Variants in TOP1 observed in about 807,000 individuals in gnomAD.
TOP1 encodes the protein DNA topoisomerase I, also known as DNA topoisomerase 1.
TOP1 carries 10 observed loss-of-function variants against 111.1 expected under a neutral mutation model. That is an observed-to-expected ratio of 0.09 (90% CI 0.06 to 0.15). The LOEUF (loss-of-function observed/expected upper bound fraction) is 0.15, where lower values mean the gene tolerates loss of function less well. Among genes scored for constraint, TOP1 ranks in the 10% least tolerant of loss-of-function variants. The pLI is 1.00. For missense variants in TOP1, 474 were observed against 926.7 expected, an observed-to-expected ratio of 0.51 and a Z score of 6.34; for synonymous variants, 271 against 302.9, an observed-to-expected ratio of 0.89 and a Z score of 1.10.
chr20:41,113,724 A>T (rs536606120), intron 14 of TOP1, among the ~76,000 whole-genome samples: 187 of 151,478 alleles, frequency 1.2e-3, no homozygotes, highest in Middle Eastern at 3.4e-3. Context: ...ACAAAAAAAA[A>T]AAAAAAAATA....
At position 41,112,111 on chromosome 20, in the gene TOP1, G is replaced by A. The variant is rs1201786874; in HGVS notation, c.1309-671G>A. Among the ~76,000 whole-genome samples, 1 of 152,198 alleles carries A rather than the reference G, an allele frequency of 6.6e-6. No homozygotes were observed. Among genetic ancestry groups the A allele is most frequent in the African/African-American group, 2.4e-5 (1 of 41,446 alleles). The stretch of plus-strand genomic sequence containing the variant: ...TCAAGAAATGCTTTTAAATGCAGAA[G>A]TTAGAAAATGGTGAATAATTATGGC... On this transcript the variant is annotated intron_variant, in intron 13 of 20. Coordinates refer to ENST00000361337, the MANE Select transcript of TOP1 (RefSeq NM_003286.4). The surrounding 1 kb of genome is among the most constrained non-coding windows in gnomAD (Gnocchi z 5.8).
chr20:41,070,077 G>A (rs2033652614), intron 3 of TOP1, among the ~76,000 whole-genome samples: 1 of 152,130 alleles, frequency 6.6e-6, no homozygotes, highest in East Asian at 1.9e-4. Flanking sequence ...TAAAAATCGG[G>A]GGGAAATGTT....
chr20:41,059,886 A>G (rs2033524470), intron 2 of TOP1, among the ~76,000 whole-genome samples: 1 of 152,224 alleles, frequency 6.6e-6, no homozygotes, highest in Admixed American at 6.5e-5. Flanking sequence ...TACTTCACCA[A>G]AGAAGGTATA....
chr20:41,061,338 G>T lies in TOP1; in HGVS notation c.59-56G>T. ...CTTCTTGACCAGCTTGTCAAGGTAG[G>T]CATACAGAAGATAGCTCATGACTCC... On this transcript the variant is annotated intron_variant, in intron 2 of 20. Coordinates refer to ENST00000361337, the MANE Select transcript of TOP1 (RefSeq NM_003286.4). This position sits in a 1 kb window ranked among gnomAD's most constrained non-coding sequence, Gnocchi z 4.6. 4 of 1,531,306 alleles carry T rather than the reference G, an allele frequency of 2.6e-6. No individual in the cohort carries two copies. The highest frequency in any genetic ancestry group is 2.7e-6 in the Non-Finnish European group (3 of 1,110,384). The allele number at this position is 1,531,306 out of a possible 1,614,324, so 94.9% of individuals were successfully genotyped here. A position where few individuals can be genotyped will look rare whatever the true frequency, so the allele number is the denominator to read the frequency against.
chr20:41,056,019 G>A (rs1175585262), intron 2 of TOP1, among the ~76,000 whole-genome samples: 1 of 152,162 alleles, frequency 6.6e-6, no homozygotes, highest in Non-Finnish European at 1.5e-5. Context: ...CCATGTGTCT[G>A]TCACTCAGCT....
intron 2 of TOP1, among the ~76,000 whole-genome samples, chr20:41,057,167 G>A (rs544188070): frequency 4.6e-5 from 7 of 152,172 alleles, no homozygotes; most frequent in African/African-American, 1.7e-4. Context: ...TCGGGAGGCT[G>A]AGGCAGGAGA....
intron 18 of TOP1, among the ~76,000 whole-genome samples, chr20:41,119,626 C>T (rs967299727): frequency 1.3e-5 from 2 of 150,622 alleles, no homozygotes; most frequent in African/African-American, 4.8e-5. Flanking sequence ...TTGAGATTTC[C>T]TTAAGATAAG....
In TOP1 at chr20:41,046,255, A is replaced by G. The variant is rs2033332756; in HGVS notation, c.59-15139A>G. 6.6e-6 allele frequency among the ~76,000 whole-genome samples: 1 copy of G among 152,238 alleles called. No individual in the cohort carries two copies. Among genetic ancestry groups the G allele is most frequent in the Non-Finnish European group, 1.5e-5 (1 of 68,048 alleles). On this transcript the variant is annotated intron_variant, in intron 2 of 20. Transcript: ENST00000361337. This position sits in a 1 kb window ranked among gnomAD's most constrained non-coding sequence, Gnocchi z 4.3. ...TATTTCCAGTAATGTTCACTGGGCC[A>G]GTTTACTTTTGAAGAAATTGAATCT...
In TOP1 at chr20:41,102,339, G is replaced by A. The variant is rs1452336557; in HGVS notation, c.1308+986G>A. ...AAATATACTTTTCTGGCTGGGTGTG[G>A]TGGCTCAAGCCTGTAATCCCAGCAC... On this transcript the variant is annotated intron_variant, in intron 13 of 20. Transcript: ENST00000361337. The surrounding 1 kb of genome is among the most constrained non-coding windows in gnomAD (Gnocchi z 4.0). 2.6e-5 allele frequency among the ~76,000 whole-genome samples: 4 copies of A among 152,174 alleles called. No homozygotes were observed. Among genetic ancestry groups the A allele is most frequent in the African/African-American group, 4.8e-5 (2 of 41,434 alleles).
At position 41,029,808 on chromosome 20, in the gene TOP1, CTG is replaced by C. The variant is rs1176714939; in HGVS notation, c.58+357_58+358del. 4.6e-5 allele frequency: 16 copies of C among 349,802 alleles called. No homozygotes were observed. In the South Asian group the frequency reaches 5.1e-4, roughly 11 times the overall value. 21.7% of individuals were successfully genotyped at this position (349,802 alleles called of 1,614,324 possible). ...TTTCTCTCTCCTCTCCTTTCTGTGC[CTG>C]TGTCTCTTTCTCTCCCTCCCTCGGC... is the stretch of plus-strand genomic sequence containing the variant. On this transcript the variant is annotated intron_variant, in intron 2 of 20. Coordinates refer to ENST00000361337, the MANE Select transcript of TOP1 (RefSeq NM_003286.4). This position sits in a 1 kb window ranked among gnomAD's most constrained non-coding sequence, Gnocchi z 6.1.
Position 41,112,941 on chromosome 20 carries a change from C to T in TOP1, c.1452+16C>T. On this transcript the variant is annotated intron_variant, in intron 14 of 20. Transcript: ENST00000361337. The surrounding 1 kb of genome is among the most constrained non-coding windows in gnomAD (Gnocchi z 5.8). The stretch of plus-strand genomic sequence containing the variant: ...CATCGACAAGGTGAGAGCATCTTCC[C>T]ATCGGCATTGTCTAGTGTTGAGCTT... The T allele has an allele frequency of 1.2e-6, 2 of 1,612,688 alleles. No homozygotes were observed.
chr20:41,101,625 T>C lies in TOP1; in HGVS notation c.1308+272T>C, dbSNP rs142680529. Among the ~76,000 whole-genome samples the C allele has an allele frequency of 9.2e-5, 14 of 152,372 alleles. No homozygotes were observed. The highest frequency in any genetic ancestry group is 3.4e-4 in the African/African-American group (14 of 41,584). Reference sequence around the variant, plus strand: ...TATACATTTGATGCTAGGAATTATGTTGGTAAACAAGATAGACGTAGGCCC... The same window carrying C: ...TATACATTTGATGCTAGGAATTATGCTGGTAAACAAGATAGACGTAGGCCC... On this transcript the variant is annotated intron_variant, in intron 13 of 20. Transcript: ENST00000361337. The surrounding 1 kb of genome is among the most constrained non-coding windows in gnomAD (Gnocchi z 4.1).
At position 41,115,505 on chromosome 20, in the gene TOP1, A is replaced by G; in HGVS notation, c.1707+66A>G. 7.8e-7 allele frequency: 1 copy of G among 1,279,860 alleles called. No individual in the cohort carries two copies. The highest frequency in any genetic ancestry group is 1.7e-5 in the Admixed American group (1 of 58,842). 79.3% of individuals were successfully genotyped at this position (1,279,860 alleles called of 1,614,324 possible). On this transcript the variant is annotated intron_variant, in intron 16 of 20. Coordinates refer to ENST00000361337, the MANE Select transcript of TOP1 (RefSeq NM_003286.4). This position sits in a 1 kb window ranked among gnomAD's most constrained non-coding sequence, Gnocchi z 6.3. The stretch of plus-strand genomic sequence containing the variant: ...CAGAGCCTCACAGTACCTAAAGGGG[A>G]GGGTTGCTGGCAGATGACTTGGGCT...
At chr20:41,038,649 A>C (rs1376214097) in intron 2 of TOP1, among the ~76,000 whole-genome samples, 2 of 152,138 alleles carry the variant, frequency 1.3e-5, no homozygotes, top group African/African-American at 4.8e-5. Context: ...GGCTTGCTGC[A>C]TACACACCAC....
intron 13 of TOP1, among the ~76,000 whole-genome samples, chr20:41,107,713 G>T (rs1344609550): frequency 6.6e-6 from 1 of 152,188 alleles, no homozygotes; most frequent in East Asian, 1.9e-4. Context: ...ACTGTTGGCA[G>T]TTTTTCTGAG....
At position 41,109,721 on chromosome 20, in the gene TOP1, G is replaced by A. The variant is rs896990309; in HGVS notation, c.1309-3061G>A. On this transcript the variant is annotated intron_variant, in intron 13 of 20. Coordinates refer to ENST00000361337, the MANE Select transcript of TOP1 (RefSeq NM_003286.4). This position sits in a 1 kb window ranked among gnomAD's most constrained non-coding sequence, Gnocchi z 4.1. Reference sequence around the variant, plus strand: ...TAAATAAGCAAATGAAAGAGTGCTCGACATCACTAATTATCAGTGGAGTGA... The same window carrying A: ...TAAATAAGCAAATGAAAGAGTGCTCAACATCACTAATTATCAGTGGAGTGA... Among the ~76,000 whole-genome samples the A allele has an allele frequency of 7.2e-5, 11 of 152,284 alleles. No individual in the cohort carries two copies. The highest frequency in any genetic ancestry group is 1.2e-4 in the African/African-American group (5 of 41,562).
intron 2 of TOP1, among the ~76,000 whole-genome samples, chr20:41,053,492 A>G (rs2033431240): frequency 6.6e-6 from 1 of 152,170 alleles, no homozygotes; most frequent in African/African-American, 2.4e-5. Flanking sequence ...AAATTAAGCA[A>G]TCTTACTGCC....
chr20:41,106,766 A>C lies in TOP1; in HGVS notation c.1308+5413A>C, dbSNP rs183325007. ...CTGGCAGCAGATACAAGAGGTGCTC[A>C]GAGTTGTTCAGGGTTGCTGAACTCT... On this transcript the variant is annotated intron_variant, in intron 13 of 20. Transcript: ENST00000361337. This position sits in a 1 kb window ranked among gnomAD's most constrained non-coding sequence, Gnocchi z 4.3. Among the ~76,000 whole-genome samples the C allele has an allele frequency of 3.7e-4, 56 of 152,262 alleles. No individual in the cohort carries two copies. Among genetic ancestry groups the C allele is most frequent in the African/African-American group, 1.3e-3 (53 of 41,554 alleles).
rs1229753621 is a variant in TOP1 at position 41,092,423 on chromosome 20, A to G, written c.615-49A>G. On this transcript the variant is annotated intron_variant, in intron 8 of 20. Transcript: ENST00000361337. The surrounding 1 kb of genome is among the most constrained non-coding windows in gnomAD (Gnocchi z 4.3). ...TGGCATTTAATCAGTGATGATCCCC[A>G]TGTTAGACAAGGCGATCACTAAATG... 1 of 887,852 alleles carries G rather than the reference A, an allele frequency of 1.1e-6. No individual in the cohort carries two copies. The highest frequency in any genetic ancestry group is 1.8e-6 in the Non-Finnish European group (1 of 569,530). 55.0% of individuals were successfully genotyped at this position (887,852 alleles called of 1,614,324 possible).
Sources: allele counts gnomAD v4.1 joint callset (sites outside exome capture counted in the v4.1 genomes callset), GRCh38; gene constraint gnomAD v4.1.1; non-coding constraint Gnocchi (gnomAD v3.1); transcripts MANE v1.5; gene names NCBI Gene and HGNC (gene_info 2026-07-23, HGNC 2026-07-21).